The following FAT4 variants were observed in gnomAD, a reference collection of about 807,000 sequenced individuals.
The protein encoded by FAT4 is protocadherin Fat 4.
Under a neutral mutation model 303.9 loss-of-function variants are expected in FAT4, and 84 were observed. The observed-to-expected ratio is 0.28, with a 90% confidence interval of 0.23 to 0.33. The LOEUF is 0.33. FAT4 is among the 10% of genes least tolerant of loss of function. The pLI, the probability that FAT4 is intolerant of heterozygous loss-of-function variation, is 1.00. For synonymous variants in FAT4, 2,307 were observed against 2,298.8 expected (o/e 1.00, Z -0.10); for missense variants, 6,005 against 6,146.8 (o/e 0.98, Z 0.77).
chr4:125,324,573 T>C (rs1258904941), intron 2 of FAT4, among the ~76,000 whole-genome samples: 1 of 152,212 alleles, frequency 6.6e-6, no homozygotes, highest in African/African-American at 2.4e-5. Context: ...TTATCTCTGC[T>C]CTACAAATGA....
In FAT4 at chr4:125,490,006, A is replaced by G; in HGVS notation, c.13190A>G (p.Lys4397Arg). The G allele has an allele frequency of 6.2e-7, 1 of 1,614,006 alleles. No homozygotes were observed. Among genetic ancestry groups the G allele is most frequent in the African/African-American group, 1.3e-5 (1 of 74,984 alleles). The change falls in exon 18 of 18, where the codon AAG (lysine) becomes AGG (arginine). Residue 4397 changes from lysine (K) to arginine (R), a missense_variant. Coordinates refer to ENST00000394329, the MANE Select transcript of FAT4 (RefSeq NM_001291303.3). ...ASISKTDPSV[K>R]IGCRGPNICA... Reference sequence around the variant, plus strand: ...ATCTCAAAAACAGATCCCTCAGTGAAGATTGGCTGCCGTGGCCCGAACATT... The same window carrying G: ...ATCTCAAAAACAGATCCCTCAGTGAGGATTGGCTGCCGTGGCCCGAACATT...
chr4:125,393,647 T>G (rs996760023), intron 2 of FAT4, among the ~76,000 whole-genome samples: 1 of 152,206 alleles, frequency 6.6e-6, no homozygotes, highest in Non-Finnish European at 1.5e-5. Flanking sequence ...CACAGAAATA[T>G]TTTTTAGTTT....
At chr4:125,434,181 A>C in intron 7 of FAT4, 64 bp from the exon 8 acceptor site, 1 of 1,503,784 alleles carries the variant, frequency 6.6e-7, no homozygotes, top group South Asian at 1.2e-5. Flanking sequence ...TCTACAGCTA[A>C]TTTTTGTTAA....
intron 12 of FAT4, among the ~76,000 whole-genome samples, chr4:125,469,702 C>T (rs1384996700): frequency 6.6e-6 from 1 of 152,188 alleles, no homozygotes; most frequent in Admixed American, 6.5e-5. Context: ...TCGGGCTTCA[C>T]TTCAAATTCT....
At chr4:125,322,023 G>A (rs2125946943) in intron 2 of FAT4, among the ~76,000 whole-genome samples, 1 of 152,214 alleles carries the variant, frequency 6.6e-6, no homozygotes, top group East Asian at 1.9e-4. Flanking sequence ...TCTTCAGGAA[G>A]AGTGGCCATG....
rs937564453 is a variant in FAT4 at position 125,492,835 on chromosome 4, T to G, written c.*1067T>G. 1 of 152,598 alleles carries G rather than the reference T, an allele frequency of 6.6e-6. No homozygotes were observed. The highest frequency in any genetic ancestry group is 2.4e-5 in the African/African-American group (1 of 41,458). 9.5% of individuals were successfully genotyped at this position (152,598 alleles called of 1,614,324 possible). A position where few individuals can be genotyped will look rare whatever the true frequency, so the allele number is the denominator to read the frequency against. On this transcript the variant is annotated 3_prime_UTR_variant, in exon 18 of 18. Transcript: ENST00000394329. ...ATACTTTTTTTATATTTGTTACTTA[T>G]GTAACATTCATATTTTTCTCATTTT...
Position 125,316,407 on chromosome 4 carries a change from G to A in FAT4, c.-5G>A. ...TTTATCACATCGTTTTAGGGAGCCA[G>A]GACCATGGACTTAGCACCAGACAGG... On this transcript the variant is annotated 5_prime_UTR_variant, in exon 2 of 18. Transcript: ENST00000394329. The surrounding 1 kb of genome is among the most constrained non-coding windows in gnomAD (Gnocchi z 5.7). The A allele has an allele frequency of 6.2e-7, 1 of 1,601,384 alleles. No homozygotes were observed. Among genetic ancestry groups the A allele is most frequent in the Non-Finnish European group, 8.5e-7 (1 of 1,171,712 alleles).
chr4:125,454,498 A>C (rs1443109630), intron 10 of FAT4, among the ~76,000 whole-genome samples: 1 of 152,070 alleles, frequency 6.6e-6, no homozygotes, highest in Admixed American at 6.5e-5. Context: ...AATCATAAGT[A>C]CTTTCAGGGT....
Position 125,415,776 on chromosome 4 carries a change from T to C in FAT4, c.6813T>C (p.Asn2271=). 4.3e-6 allele frequency: 7 copies of C among 1,613,140 alleles called. No individual in the cohort carries two copies. Among genetic ancestry groups the C allele is most frequent in the Non-Finnish European group, 5.9e-6 (7 of 1,179,278 alleles). Residue 2271 remains asparagine, a synonymous_variant, in exon 6 of 18, where the codon AAT becomes AAC. Coordinates refer to ENST00000394329, the MANE Select transcript of FAT4 (RefSeq NM_001291303.3). ...LSPYSVNVPE[N]LGTLPRTILQ... is the part of the protein sequence containing the mutation. ...CATATTCTGTAAATGTCCCTGAGAA[T>C]TTAGGGACACTACCCAGAACAATTC...
At chr4:125,423,637 A>G (rs1578626970) in intron 7 of FAT4, among the ~76,000 whole-genome samples, 2 of 152,364 alleles carry the variant, frequency 1.3e-5, no homozygotes, top group South Asian at 4.1e-4. Context: ...GAAGAAGGCC[A>G]GCATCCTCCA....
chr4:125,336,575 T>C (rs571760914), intron 2 of FAT4, among the ~76,000 whole-genome samples: 1 of 152,138 alleles, frequency 6.6e-6, no homozygotes, highest in South Asian at 2.1e-4. Context: ...CATTTTAATA[T>C]TATATTTGAA....
At chr4:125,322,788 A>G (rs957411810) in intron 2 of FAT4, among the ~76,000 whole-genome samples, 2 of 151,514 alleles carry the variant, frequency 1.3e-5, no homozygotes, top group Non-Finnish European at 2.9e-5. Flanking sequence ...GGTTATGTCT[A>G]TCTATGGATG....
rs1029837111 is a variant in FAT4 at position 125,315,813 on chromosome 4, G to C, written c.-177G>C. 6.6e-6 allele frequency among the ~76,000 whole-genome samples: 1 copy of C among 152,180 alleles called. No homozygotes were observed. The highest frequency in any genetic ancestry group is 1.5e-5 in the Non-Finnish European group (1 of 68,040). ...CAGCGGCCACTGCCGGCGCCCTGTT[G>C]GAGGGGCGTTGCAGCCTGGTTTTTG... On this transcript the variant is annotated 5_prime_UTR_variant, in exon 1 of 18. Transcript: ENST00000394329.
chr4:125,393,744 G>A (rs993397599), intron 2 of FAT4, among the ~76,000 whole-genome samples: 4 of 152,008 alleles, frequency 2.6e-5, no homozygotes, highest in Admixed American at 2.0e-4. Context: ...ATATTTAAAG[G>A]CATATTTCTA....
chr4:125,457,864 T>C (rs7696523), intron 10 of FAT4, among the ~76,000 whole-genome samples: 74,363 of 151,700 alleles, frequency 0.49, 18,911 homozygotes, highest in Non-Finnish European at 0.57. Flanking sequence ...TAACGACACA[T>C]GTAGTATTTA....
chr4:125,414,131 G>A (rs1734949678), intron 5 of FAT4, among the ~76,000 whole-genome samples: 2 of 151,924 alleles, frequency 1.3e-5, no homozygotes, highest in Admixed American at 1.3e-4. Flanking sequence ...TACTAAAACA[G>A]TAAGATGATG....
intron 2 of FAT4, among the ~76,000 whole-genome samples, chr4:125,377,944 A>T (rs755578060): frequency 6.6e-6 from 1 of 152,122 alleles, no homozygotes; most frequent in East Asian, 1.9e-4. Context: ...CTTTAATAAC[A>T]GTTTGCTCAA....
In FAT4 at chr4:125,320,715, T is replaced by G. The variant is rs1385540385; in HGVS notation, c.4304T>G (p.Ile1435Ser). Residue 1435 changes from isoleucine to serine, a missense_variant, in exon 2 of 18, where the codon ATC (isoleucine) becomes AGC (serine). Transcript: ENST00000394329. ...IFKSIVENIPIGTSVISVTAH... is the reference protein window; with the variant it reads ...IFKSIVENIPSGTSVISVTAH... Reference sequence around the variant, plus strand: ...AAGTCTATTGTTGAGAACATTCCCATCGGTACATCTGTCATTTCAGTGACT... The same window carrying G: ...AAGTCTATTGTTGAGAACATTCCCAGCGGTACATCTGTCATTTCAGTGACT... 2 of 1,614,100 alleles carry G rather than the reference T, an allele frequency of 1.2e-6. No homozygotes were observed. The highest frequency in any genetic ancestry group is 8.5e-7 in the Non-Finnish European group (1 of 1,179,940).
intron 2 of FAT4, among the ~76,000 whole-genome samples, chr4:125,367,364 G>A (rs1732925015): frequency 6.6e-6 from 1 of 151,984 alleles, no homozygotes; most frequent in Non-Finnish European, 1.5e-5. Context: ...TTACAGGTGA[G>A]GAAATGAAGA....
Sources: gnomAD v4.1 joint callset for allele counts (sites outside exome capture counted in the v4.1 genomes callset) on GRCh38, gnomAD v4.1.1 for gene constraint, Gnocchi (gnomAD v3.1) non-coding constraint, MANE v1.5 for transcripts, NCBI Gene and HGNC (gene_info 2026-07-23, HGNC 2026-07-21) for gene names.